Variants in CLMN observed in about 807,000 individuals in gnomAD.
CLMN encodes the protein calmin (calponin-like, transmembrane).
In CLMN, 57 loss-of-function variants were observed where a neutral mutation model predicts 92.7. That is an observed-to-expected ratio of 0.61 (90% confidence interval 0.50 to 0.77). CLMN has a LOEUF of 0.77. CLMN is among the 30% of genes least tolerant of loss of function. The probability of loss-of-function intolerance (pLI) is 0.00; values close to 1 mark genes in which losing one functional copy is unlikely to be tolerated. For synonymous variants in CLMN, 466 were observed against 470.6 expected (o/e 0.99, Z 0.13); for missense variants, 1,158 against 1,237.5 (o/e 0.94, Z 0.96).
intron 1 of CLMN, among the ~76,000 whole-genome samples, chr14:95,231,834 T>TA (rs35665372): frequency 8.6e-5 from 13 of 151,960 alleles, no homozygotes; most frequent in East Asian, 5.8e-4. Flanking sequence ...CAGTGATTTT[T>TA]AAAAAAAAGT....
intron 7 of CLMN, 132 bp from the exon 8 acceptor site, chr14:95,209,609 CT>C (rs1897139315): frequency 1.4e-6 from 1 of 721,262 alleles, no homozygotes; most frequent in Non-Finnish European, 2.5e-6. Context: ...ACTTGAGGAA[CT>C]TTAGGCTCAA....
chr14:95,268,794 CTTTTTTTTTTTTTTTTTT>C (rs985091508), intron 1 of CLMN, among the ~76,000 whole-genome samples: 2 of 63,114 alleles, frequency 3.2e-5, no homozygotes, highest in African/African-American at 1.5e-4. Flanking sequence ...CTCTCTCTCT[CTTTTTTTTTTTTTTTTTT>C]TTTTTTTTTT....
intron 3 of CLMN, chr14:95,222,392 A>G (rs1207182577): frequency 3.0e-6 from 1 of 335,236 alleles, no homozygotes; most frequent in Admixed American, 3.9e-5. Context: ...ATACCATCAC[A>G]GCCAACTCAC....
intron 5 of CLMN, among the ~76,000 whole-genome samples, chr14:95,214,631 C>G (rs965926934): frequency 6.6e-6 from 1 of 152,066 alleles, no homozygotes; most frequent in Non-Finnish European, 1.5e-5. Flanking sequence ...GGATTATATG[C>G]GTGAGCCACT....
intron 1 of CLMN, among the ~76,000 whole-genome samples, chr14:95,316,816 G>C (rs75708042): frequency 0.04 from 6,031 of 152,196 alleles, 168 homozygotes; most frequent in Middle Eastern, 0.061. Flanking sequence ...CCCATCCCAG[G>C]GCCCCAAGAG....
chr14:95,263,719 G>A (rs1400580868), intron 1 of CLMN, among the ~76,000 whole-genome samples: 1 of 152,250 alleles, frequency 6.6e-6, no homozygotes, highest in Non-Finnish European at 1.5e-5. Flanking sequence ...GGTGGGGGTG[G>A]CTGGGAGAAG....
chr14:95,297,376 T>G (rs1018554468), intron 1 of CLMN, among the ~76,000 whole-genome samples: 1 of 152,196 alleles, frequency 6.6e-6, no homozygotes, highest in Non-Finnish European at 1.5e-5. Flanking sequence ...GAAGTCTAAT[T>G]TACATACATT....
intron 1 of CLMN, among the ~76,000 whole-genome samples, chr14:95,275,335 T>A (rs1459645088): frequency 6.6e-6 from 1 of 151,968 alleles, no homozygotes; most frequent in African/African-American, 2.4e-5. Flanking sequence ...TGTAAGGAGG[T>A]TGGCCAAAAC....
intron 1 of CLMN, among the ~76,000 whole-genome samples, chr14:95,230,622 A>G (rs978846289): frequency 6.6e-6 from 1 of 152,132 alleles, no homozygotes; most frequent in African/African-American, 2.4e-5. Context: ...ACAGCCCAAG[A>G]TCAGACTCTG....
chr14:95,257,935 C>A (rs1025524634), intron 1 of CLMN, among the ~76,000 whole-genome samples: 7 of 152,308 alleles, frequency 4.6e-5, no homozygotes, highest in Non-Finnish European at 8.8e-5. Context: ...GAGAACTGGA[C>A]AGACTGTAGA....
rs1898987400 is a variant in CLMN at position 95,256,088 on chromosome 14, T to C, written c.83-25955A>G. Reference sequence around the variant, plus strand: ...ACGAACTTGCCTGCAGTCATACAGCTAGAAGTGGGCAGAATGGTAATTTGA... The same window carrying C: ...ACGAACTTGCCTGCAGTCATACAGCCAGAAGTGGGCAGAATGGTAATTTGA... On this transcript the variant is annotated intron_variant, in intron 1 of 12. Transcript: ENST00000298912. This position sits in a 1 kb window ranked among gnomAD's most constrained non-coding sequence, Gnocchi z 4.9. 6.6e-6 allele frequency among the ~76,000 whole-genome samples: 1 copy of C among 152,230 alleles called. No individual in the cohort carries two copies.
At chr14:95,242,078 AT>A (rs1187925774) in intron 1 of CLMN, among the ~76,000 whole-genome samples, 1 of 151,900 alleles carries the variant, frequency 6.6e-6, no homozygotes, top group African/African-American at 2.4e-5. Flanking sequence ...CAGTTCTGCA[AT>A]CTTAAAAAAC....
At chr14:95,202,770 G>C in intron 9 of CLMN, 68 bp downstream of exon 9, 13 of 1,447,956 alleles carry the variant, frequency 9.0e-6, no homozygotes, top group Non-Finnish European at 1.2e-5. Flanking sequence ...AAGAAGCTGA[G>C]CTTCAGACAA....
chr14:95,203,231 T>C lies in CLMN; in HGVS notation c.2118A>G (p.Glu706=), dbSNP rs774927906. The C allele has an allele frequency of 6.8e-6, 11 of 1,613,886 alleles. No individual in the cohort carries two copies. In the East Asian group the frequency reaches 2.5e-4, roughly 36 times the overall value. ...SLETLGSHSE[E]GLDFKPSPPL... The stretch of plus-strand genomic sequence containing the variant: ...GTGGGGAGGGCTTGAAATCCAGGCC[T>C]TCTTCGCTGTGACTCCCAAGGGTCT... The change falls in exon 9 of 13, where the codon GAA becomes GAG. Residue 706 remains glutamate, a synonymous_variant. Coordinates refer to ENST00000298912, the MANE Select transcript of CLMN (RefSeq NM_024734.4).
chr14:95,293,318 CTCCCTCCTTCCT>C, intron 1 of CLMN, among the ~76,000 whole-genome samples: 1 of 85,102 alleles, frequency 1.2e-5, no homozygotes, highest in African/African-American at 4.7e-5. Context: ...CCTTCCCTCC[CTCCCTCCTTCCT>C]TCCTTCCCTC....
In CLMN at chr14:95,204,169, T is replaced by A; in HGVS notation, c.1180A>T (p.Lys394Ter). Residue 394 changes from lysine (K) to a stop codon, truncating the protein, a stop_gained, in exon 9 of 13, where the codon AAG becomes TAG. Coordinates refer to ENST00000298912, the MANE Select transcript of CLMN (RefSeq NM_024734.4). LOFTEE classifies it high-confidence loss of function. ...IDQVLQGGPG[K>*]TSDISEPSPE... ...GATGGCTCACTGATGTCGCTGGTCT[T>A]ACCTGGGCCCCCTTGCAGGACCTGG... 2 of 1,614,170 alleles carry A rather than the reference T, an allele frequency of 1.2e-6. No individual in the cohort carries two copies. Among genetic ancestry groups the A allele is most frequent in the Non-Finnish European group, 1.7e-6 (2 of 1,180,030 alleles).
intron 1 of CLMN, among the ~76,000 whole-genome samples, chr14:95,285,166 C>G (rs1048706244): frequency 2.0e-5 from 3 of 152,150 alleles, no homozygotes; most frequent in African/African-American, 7.2e-5. Flanking sequence ...ATAAGAAGTG[C>G]CTTTCGCCTC....
intron 4 of CLMN, among the ~76,000 whole-genome samples, chr14:95,220,088 T>C (rs1292784312): frequency 6.6e-6 from 1 of 151,876 alleles, no homozygotes; most frequent in African/African-American, 2.4e-5. Context: ...TTCTCTCACT[T>C]AGCATGTTGT....
In CLMN at chr14:95,256,128, C is replaced by G. The variant is rs1285638305; in HGVS notation, c.83-25995G>C. Reference sequence around the variant, plus strand: ...TGGTAATTTGAGCCCAAGTTCTGAACCACTGGGCTACAGGGTAGTTACATG... The same window carrying G: ...TGGTAATTTGAGCCCAAGTTCTGAAGCACTGGGCTACAGGGTAGTTACATG... On this transcript the variant is annotated intron_variant, in intron 1 of 12. Transcript: ENST00000298912. The surrounding 1 kb of genome is among the most constrained non-coding windows in gnomAD (Gnocchi z 4.9). Among the ~76,000 whole-genome samples, 1 of 152,190 alleles carries G rather than the reference C, an allele frequency of 6.6e-6. No individual in the cohort carries two copies. The highest frequency in any genetic ancestry group is 2.4e-5 in the African/African-American group (1 of 41,440).
Sources: gnomAD v4.1 joint callset for allele counts (sites outside exome capture counted in the v4.1 genomes callset) on GRCh38, gnomAD v4.1.1 for gene constraint, Gnocchi (gnomAD v3.1) non-coding constraint, MANE v1.5 for transcripts, NCBI Gene and HGNC (gene_info 2026-07-23, HGNC 2026-07-21) for gene names.